Variants in PSG2 observed in about 807,000 individuals in gnomAD.
The protein encoded by PSG2 is pregnancy-specific beta-1-glycoprotein 2.
A neutral mutation model predicts 36.2 loss-of-function variants in PSG2; 49 were observed. That is an observed-to-expected ratio of 1.35 (90% CI 1.08 to 1.72). The LOEUF is 1.72. Ranked by LOEUF, PSG2 falls within the 40% of genes most tolerant of loss-of-function variation. The pLI is 0.00. For missense variants in PSG2, 605 were observed against 407.2 expected (o/e 1.49, Z -4.18); for synonymous variants, 261 against 155.6 (o/e 1.68, Z -5.04).
At chr19:43,082,122 C>CTCTTTTTTTTT (rs1967987456) in intron 1 of PSG2, 2 of 67,940 alleles carry the variant, frequency 2.9e-5, no homozygotes, top group Non-Finnish European at 5.3e-5. Flanking sequence ...TTTCTTCTCT[C>CTCTTTTTTTTT]TTTTTTTTTT....
Position 43,080,859 on chromosome 19 carries a change from G to C in PSG2, c.430+22C>G, listed in dbSNP as rs1967960954. On this transcript the variant is annotated intron_variant, in intron 2 of 5. Coordinates refer to ENST00000406487, the MANE Select transcript of PSG2 (RefSeq NM_031246.4). Reference sequence around the variant, plus strand: ...AATGACCCCTGTCCCCCAACACCCAGGGATCATGTGGAATCACTTACGGTA... The same window carrying C: ...AATGACCCCTGTCCCCCAACACCCACGGATCATGTGGAATCACTTACGGTA... The C allele has an allele frequency of 1.9e-6, 3 of 1,611,754 alleles. No individual in the cohort carries two copies. The South Asian group carries it at 3.3e-5, about 18-fold the overall frequency.
chr19:43,081,524 C>T (rs1967975688), intron 1 of PSG2, among the ~76,000 whole-genome samples: 1 of 151,082 alleles, frequency 6.6e-6, no homozygotes, highest in East Asian at 1.9e-4. Flanking sequence ...GTTTGGAATC[C>T]TCTTCCCCAG....
At chr19:43,082,310 T>C in intron 1 of PSG2, 196 bp downstream of exon 1, 1 of 800,760 alleles carries the variant, frequency 1.2e-6, no homozygotes, top group Non-Finnish European at 1.9e-6. Flanking sequence ...CTGGTTAATT[T>C]TTTGTATTTT....
At chr19:43,082,340 C>A (rs1967992519) in intron 1 of PSG2, 166 bp downstream of exon 1, 9 of 1,091,334 alleles carry the variant, frequency 8.2e-6, no homozygotes, top group Non-Finnish European at 1.2e-5. Flanking sequence ...CAGGGCTACA[C>A]TGTGTTGGCC....
In PSG2 at chr19:43,081,222, A is replaced by C. The variant is rs758136893; in HGVS notation, c.89T>G (p.Leu30Arg). 2.5e-6 allele frequency: 4 copies of C among 1,612,276 alleles called. No individual in the cohort carries two copies. Among genetic ancestry groups the C allele is most frequent in the Non-Finnish European group, 3.4e-6 (4 of 1,179,536 alleles). The change falls in exon 2 of 6, where the codon CTG becomes CGG. Residue 30 changes from leucine (L) to arginine (R), a missense_variant. Transcript: ENST00000406487. ...AATCGTGACTTGGGCAGTGGTGGGC[A>C]GGTTCCAGAAGTTTAAAAGTGATGC... ...VTASLLNFWN[L>R]PTTAQVTIEA... is the part of the protein sequence containing the mutation.
At chr19:43,069,881 A>G (rs1252809070) in intron 4 of PSG2, among the ~76,000 whole-genome samples, 1 of 151,814 alleles carries the variant, frequency 6.6e-6, no homozygotes, top group Non-Finnish European at 1.5e-5. Flanking sequence ...GAAGAACATT[A>G]TCAAGAAAGT....
At chr19:43,071,224 C>T (rs1009241880) in intron 4 of PSG2, among the ~76,000 whole-genome samples, 1 of 151,710 alleles carries the variant, frequency 6.6e-6, no homozygotes, top group African/African-American at 2.4e-5. Context: ...CAGAGCAGAG[C>T]AGGAAGCAGA....
At position 43,081,108 on chromosome 19, in the gene PSG2, T is replaced by C. The variant is rs775031988; in HGVS notation, c.203A>G (p.Tyr68Cys). The C allele has an allele frequency of 2.5e-6, 4 of 1,612,906 alleles. No individual in the cohort carries two copies. The South Asian group carries it at 4.4e-5, about 18-fold the overall frequency. ...GTAGAGGTCCCTGATTTGCCCTTTGTACCAGATGTAGCCAGTAAGATTCTG... is the reference window on the plus strand; with the variant it reads ...GTAGAGGTCCCTGATTTGCCCTTTGCACCAGATGTAGCCAGTAAGATTCTG... ...LPQNLTGYIW[Y>C]KGQIRDLYHY... The change falls in exon 2 of 6, where the codon TAC becomes TGC. Residue 68 changes from tyrosine (Y) to cysteine (C), a missense_variant. Physicochemically the swap from Tyr to Cys is radical, Grantham distance 194 (BLOSUM62 -2). Coordinates refer to ENST00000406487, the MANE Select transcript of PSG2 (RefSeq NM_031246.4).
chr19:43,071,435 C>G (rs1042035793), intron 4 of PSG2, among the ~76,000 whole-genome samples: 1 of 151,636 alleles, frequency 6.6e-6, no homozygotes, highest in Non-Finnish European at 1.5e-5. Flanking sequence ...CTCTGTGAAG[C>G]CTCTTCTACC....
chr19:43,081,069 G>C lies in PSG2; in HGVS notation c.242C>G (p.Ser81Ter). The C allele has an allele frequency of 6.2e-7, 1 of 1,612,840 alleles. No individual in the cohort carries two copies. Among genetic ancestry groups the C allele is most frequent in the Non-Finnish European group, 8.5e-7 (1 of 1,179,632 alleles). ...QIRDLYHYITSYVVDGQIIIY... is the reference protein window; with the variant it reads ...QIRDLYHYIT Reference sequence around the variant, plus strand: ...AATTATTTGACCGTCTACTACATATGATGTAATGTAATGGTAGAGGTCCCT... The same window carrying C: ...AATTATTTGACCGTCTACTACATATCATGTAATGTAATGGTAGAGGTCCCT... Residue 81 changes from serine (S) to a stop codon, truncating the protein, a stop_gained, in exon 2 of 6, where the codon TCA becomes TGA. Coordinates refer to ENST00000406487, the MANE Select transcript of PSG2 (RefSeq NM_031246.4). LOFTEE classifies it high-confidence loss of function.
intron 4 of PSG2, among the ~76,000 whole-genome samples, chr19:43,067,207 A>T (rs141899655): frequency 6.6e-6 from 1 of 151,418 alleles, no homozygotes; most frequent in African/African-American, 2.4e-5. Context: ...TTTGTTTTTC[A>T]TAGGAATCAG....
chr19:43,072,940 C>A (rs1303925103), intron 3 of PSG2, among the ~76,000 whole-genome samples: 2 of 151,748 alleles, frequency 1.3e-5, no homozygotes, highest in African/African-American at 4.9e-5. Context: ...AATCAGTTGA[C>A]TGGCTGGCTC....
rs188010905 is a variant in PSG2, at chr19:43,076,903, C to G, written c.431-1271G>C. Among the ~76,000 whole-genome samples the G allele has an allele frequency of 4.5e-3, 685 of 151,508 alleles. 10 individuals are homozygous for G. Among genetic ancestry groups the G allele is most frequent in the Middle Eastern group, 0.014 (4 of 294 alleles). On this transcript the variant is annotated intron_variant, in intron 2 of 5. Transcript: ENST00000406487. ...TCTGAAAAATTTAAAATCCACAATGCGCCAGTGAGCACTTCTTTTTAGCAT... is the reference window on the plus strand; with the variant it reads ...TCTGAAAAATTTAAAATCCACAATGGGCCAGTGAGCACTTCTTTTTAGCAT...
intron 4 of PSG2, among the ~76,000 whole-genome samples, chr19:43,069,737 A>G (rs540252868): frequency 6.6e-6 from 1 of 151,724 alleles, no homozygotes; most frequent in South Asian, 2.1e-4. Context: ...AAGAGCAAAA[A>G]CTGTACAACT....
At chr19:43,076,915 C>G (rs1227207481) in intron 2 of PSG2, among the ~76,000 whole-genome samples, 1 of 151,174 alleles carries the variant, frequency 6.6e-6, no homozygotes, top group Non-Finnish European at 1.5e-5. Flanking sequence ...CCAGTGAGCA[C>G]TTCTTTTTAG....
chr19:43,070,916 T>C lies in PSG2; in HGVS notation c.964+784A>G, dbSNP rs184873202. On this transcript the variant is annotated intron_variant, in intron 4 of 5. Transcript: ENST00000406487. ...CTGCCCTTTTCCTGCCATGCAGAGC[T>C]CCAGGGGTGAATCTCCCTATTTCTC... is the stretch of plus-strand genomic sequence containing the variant. Among the ~76,000 whole-genome samples the C allele has an allele frequency of 7.2e-3, 1,098 of 151,724 alleles. 38 individuals carry two copies. Among genetic ancestry groups the C allele is most frequent in the African/African-American group, 0.022 (895 of 41,138 alleles).
chr19:43,080,606 G>T (rs1967957619), intron 2 of PSG2, among the ~76,000 whole-genome samples: 2 of 151,766 alleles, frequency 1.3e-5, no homozygotes, highest in East Asian at 1.9e-4. Context: ...GAGGGCATGA[G>T]GTGCTTGGCT....
At chr19:43,076,060 A>G (rs377335850) in intron 2 of PSG2, among the ~76,000 whole-genome samples, 3 of 151,696 alleles carry the variant, frequency 2.0e-5, no homozygotes, top group African/African-American at 4.9e-5. Context: ...TGCCAAGGAC[A>G]TCCAAGAGAT....
rs1417938577 is a variant in PSG2 at position 43,081,395 on chromosome 19, ACAC to A, written c.65-152_65-150del. ...CACACACACACACACACACACACAC[ACAC>A]AAAAGGGGCATGTGTGTTTGTATGT... On this transcript the variant is annotated intron_variant, in intron 1 of 5. Transcript: ENST00000406487. The A allele has an allele frequency of 3.2e-5, 40 of 1,244,210 alleles. 2 individuals carry two copies. Among genetic ancestry groups the A allele is most frequent in the African/African-American group, 2.5e-4 (15 of 60,338 alleles). The allele number at this position is 1,244,210 out of a possible 1,614,324, so 77.1% of individuals were successfully genotyped here. A position where few individuals can be genotyped will look rare whatever the true frequency, so the allele number is the denominator to read the frequency against.
Sources: allele counts gnomAD v4.1 joint callset (sites outside exome capture counted in the v4.1 genomes callset), GRCh38; gene constraint gnomAD v4.1.1; transcripts MANE v1.5; gene names NCBI Gene and HGNC (gene_info 2026-07-23, HGNC 2026-07-21).